The following CTLA4 variants were observed in gnomAD, a reference collection of about 807,000 sequenced individuals.
The protein encoded by CTLA4 is cytotoxic T-lymphocyte associated protein 4.
Under a neutral mutation model 20.4 loss-of-function variants are expected in CTLA4, and 3 were observed. The ratio of observed to expected loss-of-function variants is 0.15; its 90% CI spans 0.07 to 0.38. CTLA4 has a LOEUF of 0.38. Among genes scored for constraint, CTLA4 ranks in the 10% least tolerant of loss-of-function variants. The pLI is 1.00. For synonymous variants in CTLA4, 100 were observed against 105.2 expected (o/e 0.95, Z 0.30); for missense variants, 184 against 276.8 (o/e 0.66, Z 2.38).
rs1688781274 is a variant in CTLA4 at position 203,873,866 on chromosome 2, T to A, written c.*1054T>A. On this transcript the variant is annotated 3_prime_UTR_variant, in exon 4 of 4. Coordinates refer to ENST00000648405, the MANE Select transcript of CTLA4 (RefSeq NM_005214.5). ...GGGGTGCATGAAGGTTTCTGAAAAT[T>A]AACACTGCTTGTGTTTTTAACTCAA... 4.3e-6 allele frequency: 1 copy of A among 230,940 alleles called. No homozygotes were observed. The highest frequency in any genetic ancestry group is 8.6e-6 in the Non-Finnish European group (1 of 116,388). The allele number at this position is 230,940 out of a possible 1,614,324, so 14.3% of individuals were successfully genotyped here.
rs1688709643 is a variant in CTLA4 at position 203,870,494 on chromosome 2, T to G, written c.110-92T>G. The stretch of plus-strand genomic sequence containing the variant: ...TCGTTGAAGGGGGGAGAAAAGGCCG[T>G]GGGGATGAAGCTAGAAGGCAGAAGG... On this transcript the variant is annotated intron_variant, in intron 1 of 3. Coordinates refer to ENST00000648405, the MANE Select transcript of CTLA4 (RefSeq NM_005214.5). The surrounding 1 kb of genome is among the most constrained non-coding windows in gnomAD (Gnocchi z 5.3). The G allele has an allele frequency of 7.2e-7, 1 of 1,390,628 alleles. No homozygotes were observed. Among genetic ancestry groups the G allele is most frequent in the African/African-American group, 1.4e-5 (1 of 69,968 alleles). 86.1% of individuals were successfully genotyped at this position (1,390,628 alleles called of 1,614,324 possible).
intron 3 of CTLA4, 23 bp downstream of exon 3, chr2:203,871,510 A>G (rs543162729): frequency 6.4e-7 from 1 of 1,560,372 alleles, no homozygotes; most frequent in Non-Finnish European, 8.8e-7. Context: ...CTGATGGTGC[A>G]CCATGTCTGA....
rs760400720 is a variant in CTLA4, at chr2:203,872,936, A to T, written c.*124A>T. On this transcript the variant is annotated 3_prime_UTR_variant, in exon 4 of 4. Transcript: ENST00000648405. Reference sequence around the variant, plus strand: ...TGGGGGGAATTCATCTCTCTTTAATATAAAGTTGGATGCGGAACCCAAATT... The same window carrying T: ...TGGGGGGAATTCATCTCTCTTTAATTTAAAGTTGGATGCGGAACCCAAATT... 1 of 670,704 alleles carries T rather than the reference A, an allele frequency of 1.5e-6. No individual in the cohort carries two copies. The highest frequency in any genetic ancestry group is 2.6e-6 in the Non-Finnish European group (1 of 384,854). The allele number at this position is 670,704 out of a possible 1,614,324, so 41.5% of individuals were successfully genotyped here.
In CTLA4 at chr2:203,870,471, G is replaced by A. The variant is rs746446987; in HGVS notation, c.110-115G>A. 48 of 1,095,350 alleles carry A rather than the reference G, an allele frequency of 4.4e-5. No homozygotes were observed. The highest frequency in any genetic ancestry group is 6.9e-5 in the Admixed American group (3 of 43,616). The allele number at this position is 1,095,350 out of a possible 1,614,324, so 67.9% of individuals were successfully genotyped here. A position where few individuals can be genotyped will look rare whatever the true frequency, so the allele number is the denominator to read the frequency against. On this transcript the variant is annotated intron_variant, in intron 1 of 3. Transcript: ENST00000648405. The surrounding 1 kb of genome is among the most constrained non-coding windows in gnomAD (Gnocchi z 5.3). ...AGGGGAAGGGGTAAGTGATAGATTC[G>A]TTGAAGGGGGGAGAAAAGGCCGTGG...
Position 203,870,990 on chromosome 2 carries a change from A to G in CTLA4, c.457+57A>G. On this transcript the variant is annotated intron_variant, in intron 2 of 3. Transcript: ENST00000648405. This position sits in a 1 kb window ranked among gnomAD's most constrained non-coding sequence, Gnocchi z 5.3. ...TGTTGCATTGCAGTCTTCTATGCAC[A>G]AAAACAGTTTTGTTCCTTAATTTCA... 6.5e-6 allele frequency: 9 copies of G among 1,379,812 alleles called. No homozygotes were observed. Among genetic ancestry groups the G allele is most frequent in the Non-Finnish European group, 9.1e-6 (9 of 993,056 alleles). The allele number at this position is 1,379,812 out of a possible 1,614,324, so 85.5% of individuals were successfully genotyped here.
rs1394738387 is a variant in CTLA4 at position 203,873,528 on chromosome 2, G to A, written c.*716G>A. On this transcript the variant is annotated 3_prime_UTR_variant, in exon 4 of 4. Transcript: ENST00000648405. ...GGAGCTCAGGACACTAATACACCAGGTAGAACACAAGGTCATTTGCTAACT... is the reference window on the plus strand; with the variant it reads ...GGAGCTCAGGACACTAATACACCAGATAGAACACAAGGTCATTTGCTAACT... The A allele has an allele frequency of 4.5e-6, 1 of 220,232 alleles. No homozygotes were observed. Among genetic ancestry groups the A allele is most frequent in the African/African-American group, 2.3e-5 (1 of 44,180 alleles). The allele number at this position is 220,232 out of a possible 1,614,324, so 13.6% of individuals were successfully genotyped here.
At position 203,867,936 on chromosome 2, in the gene CTLA4, TA is replaced by T. The variant is rs1688656537; in HGVS notation, c.-4del. Reference sequence around the variant, plus strand: ...CCTGAAGACCTGAACACCGCTCCCATAAAGCCATGGCTTGCCTTGGATTTCA... The same window carrying T: ...CCTGAAGACCTGAACACCGCTCCCATAAGCCATGGCTTGCCTTGGATTTCA... On this transcript the variant is annotated 5_prime_UTR_variant, in exon 1 of 4. Transcript: ENST00000648405. 2 of 1,612,326 alleles carry T rather than the reference TA, an allele frequency of 1.2e-6. No individual in the cohort carries two copies. Among genetic ancestry groups the T allele is most frequent in the Non-Finnish European group, 1.7e-6 (2 of 1,178,472 alleles).
rs1327152992 is a variant in CTLA4 at position 203,870,171 on chromosome 2, T to C, written c.110-415T>C. On this transcript the variant is annotated intron_variant, in intron 1 of 3. Transcript: ENST00000648405. The surrounding 1 kb of genome is among the most constrained non-coding windows in gnomAD (Gnocchi z 5.3). ...CACTCATTATAGTTCCGGAGCTATA[T>C]AGCTCCTATCATTCTATCATAACCT... 3.5e-5 allele frequency: 7 copies of C among 200,910 alleles called. No homozygotes were observed. The highest frequency in any genetic ancestry group is 1.1e-4 in the Admixed American group (2 of 18,804). The allele number at this position is 200,910 out of a possible 1,614,324, so 12.4% of individuals were successfully genotyped here. A position where few individuals can be genotyped will look rare whatever the true frequency, so the allele number is the denominator to read the frequency against.
Position 203,871,479 on chromosome 2 carries a change from A to C in CTLA4, c.559A>C (p.Ser187Arg), listed in dbSNP as rs1202814386. 1 of 1,612,446 alleles carries C rather than the reference A, an allele frequency of 6.2e-7. No individual in the cohort carries two copies. The highest frequency in any genetic ancestry group is 1.1e-5 in the South Asian group (1 of 91,028). The part of the protein sequence containing the change: ...YSFLLTAVSL[S>R]KMLKKRSPLT... ...CTTTCTCCTCACAGCTGTTTCTTTG[A>C]GCAAAATGGTGAGTGTGGTGCTGAT... Residue 187 changes from serine (S) to arginine (R), a missense_variant, in exon 3 of 4, where the codon AGC (serine) becomes CGC (arginine). This residue lies in a region of CTLA4 where 147 missense variants were observed against 223.4 expected (regional missense o/e 0.66). Transcript: ENST00000648405.
Position 203,871,557 on chromosome 2 carries a change from T to C in CTLA4, c.567+70T>C. 3.3e-6 allele frequency: 4 copies of C among 1,197,424 alleles called. No homozygotes were observed. The South Asian group carries it at 4.9e-5, about 15-fold the overall frequency. The allele number at this position is 1,197,424 out of a possible 1,614,324, so 74.2% of individuals were successfully genotyped here. A position where few individuals can be genotyped will look rare whatever the true frequency, so the allele number is the denominator to read the frequency against. On this transcript the variant is annotated intron_variant, in intron 3 of 3. Transcript: ENST00000648405. ...TTAGTGGTATCAACTGGCCAAAAGA[T>C]GATGTTGAGTTTAGTGTTCTTGAGA...
Position 203,870,661 on chromosome 2 carries a change from C to T in CTLA4, c.185C>T (p.Ser62Phe). The T allele has an allele frequency of 6.2e-7, 1 of 1,614,238 alleles. No individual in the cohort carries two copies. Among genetic ancestry groups the T allele is most frequent in the Admixed American group, 1.7e-5 (1 of 60,030 alleles). Reference sequence around the variant, plus strand: ...GCCAGCTTTGTGTGTGAGTATGCATCTCCAGGCAAAGCCACTGAGGTCCGG... The same window carrying T: ...GCCAGCTTTGTGTGTGAGTATGCATTTCCAGGCAAAGCCACTGAGGTCCGG... ...GIASFVCEYA[S>F]PGKATEVRVT... The change falls in exon 2 of 4, where the codon TCT becomes TTT. Residue 62 changes from serine (S) to phenylalanine (F), a missense_variant. Ser to Phe is a radical substitution (Grantham distance 155). Around this residue, in one of 3 missense-constraint regions of CTLA4, gnomAD observed 147 missense variants for 223.4 expected, o/e 0.66. Transcript: ENST00000648405. The surrounding 1 kb of genome is among the most constrained non-coding windows in gnomAD (Gnocchi z 5.3).
intron 3 of CTLA4, 35 bp downstream of exon 3, chr2:203,871,522 G>A (rs956332360): frequency 6.0e-6 from 9 of 1,501,698 alleles, no homozygotes; most frequent in Non-Finnish European, 8.3e-6. Flanking sequence ...CATGTCTGAT[G>A]GGGATACCTT....
At chr2:203,871,513 ATG>A in intron 3 of CTLA4, 26 bp downstream of exon 3, 2 of 1,545,456 alleles carry the variant, frequency 1.3e-6, no homozygotes, top group Non-Finnish European at 1.8e-6. Flanking sequence ...ATGGTGCACC[ATG>A]TCTGATGGGG....
chr2:203,869,195 A>G (rs545750553), intron 1 of CTLA4, among the ~76,000 whole-genome samples: 52 of 152,338 alleles, frequency 3.4e-4, no homozygotes, highest in African/African-American at 1.2e-3. Flanking sequence ...TGGGTGGGCT[A>G]TAATCACTGC....
In CTLA4 at chr2:203,873,382, A is replaced by ATTTT. The variant is rs1688773529; in HGVS notation, c.*571_*574dup. Reference sequence around the variant, plus strand: ...TATATATATATATATATATATATATATTTTAATTTGATAGTATTGTGCATA... The same window carrying ATTTT: ...TATATATATATATATATATATATATATTTTTTTTAATTTGATAGTATTGTGCATA... On this transcript the variant is annotated 3_prime_UTR_variant, in exon 4 of 4. Transcript: ENST00000648405. 6.8e-6 allele frequency: 1 copy of ATTTT among 146,068 alleles called. No homozygotes were observed. The highest frequency in any genetic ancestry group is 1.2e-5 in the Non-Finnish European group (1 of 80,762). 9.0% of individuals were successfully genotyped at this position (146,068 alleles called of 1,614,324 possible).
intron 3 of CTLA4, 27 bp downstream of exon 3, chr2:203,871,514 TGTC>T: frequency 6.7e-7 from 1 of 1,496,532 alleles, no homozygotes; most frequent in Non-Finnish European, 9.3e-7. Context: ...TGGTGCACCA[TGTC>T]TGATGGGGAT....
chr2:203,872,660 C>G (rs1364910682), intron 3 of CTLA4, 48 bp from the exon 4 acceptor site: 1 of 1,192,680 alleles, frequency 8.4e-7, no homozygotes, highest in Admixed American at 1.7e-5. Flanking sequence ...TTAGAAGTGG[C>G]TTCCGTATTC....
chr2:203,871,347 C>T (rs758079392), intron 2 of CTLA4, 31 bp from the exon 3 acceptor site: 1 of 1,574,886 alleles, frequency 6.3e-7, no homozygotes, highest in Non-Finnish European at 8.7e-7. Context: ...AAAACTGTCT[C>T]AGGGAGGCTC....
At chr2:203,869,267 T>C (rs992862556) in intron 1 of CTLA4, among the ~76,000 whole-genome samples, 1 of 152,134 alleles carries the variant, frequency 6.6e-6, no homozygotes, top group Non-Finnish European at 1.5e-5. Flanking sequence ...CACAAATAAC[T>C]TTAATACAGA....
Sources: allele counts gnomAD v4.1 joint callset (sites outside exome capture counted in the v4.1 genomes callset), GRCh38; gene constraint gnomAD v4.1.1; regional missense constraint gnomAD v4.1.1; non-coding constraint Gnocchi (gnomAD v3.1); transcripts MANE v1.5; gene names NCBI Gene and HGNC (gene_info 2026-07-23, HGNC 2026-07-21).